PTCD3: variants seen among roughly 807,000 people sequenced by gnomAD.
The protein encoded by PTCD3 is small ribosomal subunit protein mS39.
In PTCD3, 89 loss-of-function variants were observed where a neutral mutation model predicts 101.9. The ratio of observed to expected loss-of-function variants is 0.87; its 90% CI spans 0.74 to 1.04. PTCD3 has a LOEUF of 1.04. Ranked by LOEUF, PTCD3 falls within the 50% of genes least tolerant of loss-of-function variation. The pLI is 0.00. For missense variants in PTCD3, 870 were observed against 828.2 expected, an observed-to-expected ratio of 1.05 and a Z score of -0.62; for synonymous variants, 296 against 278.5, an observed-to-expected ratio of 1.06 and a Z score of -0.63.
chr2:86,117,116 AC>A lies in PTCD3; in HGVS notation c.375del (p.Lys126AsnfsTer7). ...ENVAKFIINS[Y>X]PKYFQKDIAE... ...GTGGCCAAGTTTATTATTAATTCAT[AC>A]CCCAAATATTTTCAGAAGGACATAG... On this transcript the variant is annotated frameshift_variant, in exon 6 of 24. Coordinates refer to ENST00000254630, the MANE Select transcript of PTCD3 (RefSeq NM_017952.6). LOFTEE classifies it high-confidence loss of function. The A allele has an allele frequency of 6.8e-7, 1 of 1,479,508 alleles. No individual in the cohort carries two copies. The highest frequency in any genetic ancestry group is 9.5e-7 in the Non-Finnish European group (1 of 1,058,034). The allele number at this position is 1,479,508 out of a possible 1,614,324, so 91.6% of individuals were successfully genotyped here.
intron 5 of PTCD3, 90 bp downstream of exon 5, chr2:86,116,688 A>G: frequency 4.1e-6 from 4 of 980,368 alleles, no homozygotes; most frequent in Non-Finnish European, 6.4e-6. Context: ...AACCTGGGAA[A>G]GGTTTACAAA....
chr2:86,107,793 C>G (rs917600266), intron 1 of PTCD3, among the ~76,000 whole-genome samples: 1 of 152,200 alleles, frequency 6.6e-6, no homozygotes, highest in Admixed American at 6.5e-5. Flanking sequence ...GTAGTCCTTT[C>G]TGATCAGGGC....
In PTCD3 at chr2:86,138,153, G is replaced by A. The variant is rs1674627032; in HGVS notation, c.*594G>A. The A allele has an allele frequency of 6.6e-6, 1 of 152,454 alleles. No homozygotes were observed. The highest frequency in any genetic ancestry group is 1.5e-5 in the Non-Finnish European group (1 of 68,262). The allele number at this position is 152,454 out of a possible 1,614,324, so 9.4% of individuals were successfully genotyped here. A position where few individuals can be genotyped will look rare whatever the true frequency, so the allele number is the denominator to read the frequency against. On this transcript the variant is annotated 3_prime_UTR_variant, in exon 24 of 24. Transcript: ENST00000254630. ...AATTAGTGTACACGTTTGTATTTTT[G>A]TTAATATAGCCGCTGCCATAGTTTT...
intron 6 of PTCD3, among the ~76,000 whole-genome samples, chr2:86,118,097 G>C (rs1480141020): frequency 6.6e-6 from 1 of 152,110 alleles, no homozygotes; most frequent in Non-Finnish European, 1.5e-5. Flanking sequence ...TTAAGCATGG[G>C]TATCTTTCTT....
rs1674637797 is a variant in PTCD3, at chr2:86,138,701, A to G, written c.*1142A>G. 6.7e-6 allele frequency: 1 copy of G among 149,764 alleles called. No individual in the cohort carries two copies. The highest frequency in any genetic ancestry group is 1.9e-4 in the East Asian group (1 of 5,166). The allele number at this position is 149,764 out of a possible 1,614,324, so 9.3% of individuals were successfully genotyped here. A position where few individuals can be genotyped will look rare whatever the true frequency, so the allele number is the denominator to read the frequency against. On this transcript the variant is annotated 3_prime_UTR_variant, in exon 24 of 24. Coordinates refer to ENST00000254630, the MANE Select transcript of PTCD3 (RefSeq NM_017952.6). ...CAAAAAAAAAAAAAGCCGATATAGTAGCTAGCTACTTAAGCATCCATGGGT... is the reference window on the plus strand; with the variant it reads ...CAAAAAAAAAAAAAGCCGATATAGTGGCTAGCTACTTAAGCATCCATGGGT...
At chr2:86,136,684 TCCCTACTA>T in intron 22 of PTCD3, 122 bp downstream of exon 22, 1 of 1,163,480 alleles carries the variant, frequency 8.6e-7, no homozygotes, top group Non-Finnish European at 1.3e-6. Context: ...TACCGTCAAC[TCCCTACTA>T]TCCAGGGCAT....
chr2:86,106,753 C>G (rs752231944), intron 1 of PTCD3, among the ~76,000 whole-genome samples: 9 of 152,162 alleles, frequency 5.9e-5, no homozygotes, highest in Non-Finnish European at 1.0e-4. Flanking sequence ...TCTCTGGTCG[C>G]CACCGTGGGG....
intron 3 of PTCD3, chr2:86,108,832 A>G (rs1197731055): frequency 3.4e-6 from 1 of 298,386 alleles, no homozygotes; most frequent in Non-Finnish European, 6.1e-6. Context: ...CATCATTAGA[A>G]TAATTTTTTT....
chr2:86,134,456 C>T (rs1045147793), intron 20 of PTCD3, 79 bp downstream of exon 20: 1 of 1,199,538 alleles, frequency 8.3e-7, no homozygotes. Context: ...TTTTATCTGC[C>T]ATTTTGGAGA....
chr2:86,131,176 G>C, intron 16 of PTCD3, 70 bp downstream of exon 16: 5 of 1,193,080 alleles, frequency 4.2e-6, no homozygotes, highest in Non-Finnish European at 6.0e-6. Flanking sequence ...GGTTCTCCCT[G>C]GTTCTTTTCA....
rs187312531 is a variant in PTCD3 at position 86,141,774 on chromosome 2, G to T, written c.*4215G>T. 2 of 152,326 alleles carry T rather than the reference G, an allele frequency of 1.3e-5. No homozygotes were observed. Among genetic ancestry groups the T allele is most frequent in the East Asian group, 3.9e-4 (2 of 5,184 alleles). 9.4% of individuals were successfully genotyped at this position (152,326 alleles called of 1,614,324 possible). A position where few individuals can be genotyped will look rare whatever the true frequency, so the allele number is the denominator to read the frequency against. On this transcript the variant is annotated 3_prime_UTR_variant, in exon 24 of 24. Transcript: ENST00000254630. ...TTTTTATGATTTTTGCTGTGGAAAT[G>T]GCAGTCGTGTGACTTTTCACTTGCA... is the stretch of plus-strand genomic sequence containing the variant.
chr2:86,115,866 G>C (rs894170205), intron 4 of PTCD3, among the ~76,000 whole-genome samples: 1 of 152,154 alleles, frequency 6.6e-6, no homozygotes, highest in Admixed American at 6.5e-5. Flanking sequence ...ATTTGGAGGA[G>C]GGACTCTTGG....
In PTCD3 at chr2:86,124,982, C is replaced by G. The variant is rs1428445398; in HGVS notation, c.717-13C>G. On this transcript the variant is annotated splice_polypyrimidine_tract_variant and intron_variant, in intron 9 of 23. Transcript: ENST00000254630. The stretch of plus-strand genomic sequence containing the variant: ...CTTATTGCCTGGGTTCACATTTACT[C>G]TCTTGTGTCTAGAGCAAAAAACAAC... 9.3e-6 allele frequency: 15 copies of G among 1,612,768 alleles called. No homozygotes were observed. Among genetic ancestry groups the G allele is most frequent in the African/African-American group, 1.3e-5 (1 of 74,876 alleles).
rs981749820 is a variant in PTCD3 at position 86,133,551 on chromosome 2, A to T, written c.1543+115A>T. On this transcript the variant is annotated intron_variant, in intron 19 of 23. Coordinates refer to ENST00000254630, the MANE Select transcript of PTCD3 (RefSeq NM_017952.6). The stretch of plus-strand genomic sequence containing the variant: ...AAAACTTCCATTTTGACTGAACCAA[A>T]TGTGTTAGTTGAGATGTACTTCAAG... 6.0e-6 allele frequency: 6 copies of T among 1,005,106 alleles called. No individual in the cohort carries two copies. The African/African-American group carries it at 9.7e-5, about 16-fold the overall frequency. 62.3% of individuals were successfully genotyped at this position (1,005,106 alleles called of 1,614,324 possible).
At chr2:86,125,606 C>CT in intron 11 of PTCD3, 91 bp downstream of exon 11, 1 of 1,314,448 alleles carries the variant, frequency 7.6e-7, no homozygotes, top group Non-Finnish European at 1.1e-6. Flanking sequence ...AGTCATTGGC[C>CT]TACACTTTAC....
At chr2:86,121,941 C>T (rs1453060814) in intron 8 of PTCD3, among the ~76,000 whole-genome samples, 19 of 152,116 alleles carry the variant, frequency 1.2e-4, no homozygotes, top group Admixed American at 1.1e-3. Flanking sequence ...AAAATTCATA[C>T]GTGGACTTAG....
At chr2:86,122,727 A>G (rs1268328302) in intron 8 of PTCD3, among the ~76,000 whole-genome samples, 1 of 152,206 alleles carries the variant, frequency 6.6e-6, no homozygotes, top group Non-Finnish European at 1.5e-5. Context: ...TGGATTATTT[A>G]TGTAGAGAAC....
Position 86,121,472 on chromosome 2 carries a change from C to T in PTCD3, c.539-7C>T, listed in dbSNP as rs1339550416. On this transcript the variant is annotated splice_polypyrimidine_tract_variant and splice_region_variant and intron_variant, in intron 7 of 23. Transcript: ENST00000254630. ...GGTTTCTTTATCTTTCTGTCTCTTA[C>T]CCACAGGAACCACTGTGTCTCTTGA... The T allele has an allele frequency of 5.2e-6, 8 of 1,547,962 alleles. No homozygotes were observed. Among genetic ancestry groups the T allele is most frequent in the Non-Finnish European group, 6.2e-6 (7 of 1,135,534 alleles).
Position 86,111,304 on chromosome 2 carries a change from C to G in PTCD3, c.240+146C>G, listed in dbSNP as rs1371002520. 4 of 834,536 alleles carry G rather than the reference C, an allele frequency of 4.8e-6. No homozygotes were observed. In the African/African-American group the frequency reaches 5.2e-5, roughly 11 times the overall value. The allele number at this position is 834,536 out of a possible 1,614,324, so 51.7% of individuals were successfully genotyped here. A position where few individuals can be genotyped will look rare whatever the true frequency, so the allele number is the denominator to read the frequency against. On this transcript the variant is annotated intron_variant, in intron 4 of 23. Coordinates refer to ENST00000254630, the MANE Select transcript of PTCD3 (RefSeq NM_017952.6). ...GTCTAGAAAGTTTCTTTAAAATTGT[C>G]TAGGCCGGGCGCGGTGGCTCACGCC...
Sources: gnomAD v4.1 joint callset for allele counts (sites outside exome capture counted in the v4.1 genomes callset) on GRCh38, gnomAD v4.1.1 for gene constraint, MANE v1.5 for transcripts, NCBI Gene and HGNC (gene_info 2026-07-23, HGNC 2026-07-21) for gene names.